Variants in MAP3K15 observed in about 807,000 individuals in gnomAD.
MAP3K15 encodes the protein MAPK/ERK kinase kinase 15.
A neutral mutation model predicts 99.5 loss-of-function variants in MAP3K15; 124 were observed. The ratio of observed to expected loss-of-function variants is 1.25; its 90% confidence interval spans 1.08 to 1.45. MAP3K15 has a LOEUF of 1.45. Among genes scored for constraint, MAP3K15 ranks in the 40% most tolerant of loss-of-function variants. The probability of loss-of-function intolerance (pLI) is 0.00; values close to 1 mark genes in which losing one functional copy is unlikely to be tolerated. For synonymous variants in MAP3K15, 494 were observed against 439.6 expected (o/e 1.12, Z -1.55); for missense variants, 1,242 against 1,079.7 (o/e 1.15, Z -2.11).
chrX:19,490,681 C>T (rs974430413), intron 1 of MAP3K15, among the ~76,000 whole-genome samples: 4 of 107,781 alleles, frequency 3.7e-5, no homozygotes, highest in Non-Finnish European at 7.7e-5. Flanking sequence ...ACTGGGAGGT[C>T]GAGGTTGCAG....
At chrX:19,488,784 C>T in intron 2 of MAP3K15, 44 bp downstream of exon 2, 1 of 1,151,088 alleles carries the variant, frequency 8.7e-7, no homozygotes, top group Non-Finnish European at 1.2e-6. Flanking sequence ...TATAATTCTG[C>T]TTTCCCAAAA....
intron 6 of MAP3K15, among the ~76,000 whole-genome samples, chrX:19,441,414 A>T (rs906015516): frequency 7.3e-5 from 8 of 109,585 alleles, no homozygotes; most frequent in African/African-American, 2.7e-4. Context: ...AACTGATCGT[A>T]GTGATGGTTG....
chrX:19,388,103 G>A (rs898813005), intron 18 of MAP3K15, among the ~76,000 whole-genome samples: 8 of 112,680 alleles, frequency 7.1e-5, no homozygotes, highest in African/African-American at 9.7e-5. Flanking sequence ...GCAGGGAGAC[G>A]GGAGAGGGGT....
At chrX:19,477,597 C>G (rs904481459) in intron 3 of MAP3K15, among the ~76,000 whole-genome samples, 17 of 100,135 alleles carry the variant, frequency 1.7e-4, no homozygotes, top group African/African-American at 6.1e-4. Context: ...ATAATCCCAG[C>G]TACTCAGGAG....
intron 3 of MAP3K15, among the ~76,000 whole-genome samples, chrX:19,482,992 T>C (rs780639050): frequency 7.2e-5 from 8 of 110,423 alleles, no homozygotes; most frequent in Non-Finnish European, 1.3e-4. Flanking sequence ...ACGTGATCTG[T>C]AATCCCAGCT....
chrX:19,504,453 G>A (rs955834268), intron 1 of MAP3K15, among the ~76,000 whole-genome samples: 6 of 111,286 alleles, frequency 5.4e-5, no homozygotes, highest in Non-Finnish European at 7.5e-5. Flanking sequence ...GATGTTTGGC[G>A]AACACTGTCT....
chrX:19,426,310 G>T lies in MAP3K15; in HGVS notation c.1200C>A (p.Leu400=). ...YRKGFELQSS[L]YSGINLAVLL... The stretch of plus-strand genomic sequence containing the variant: ...AAACTGCAAGATTAATTCCCGAATA[G>T]AGGGATGACTGGAGTTCAAACCCTT... Residue 400 remains leucine, a synonymous_variant, in exon 8 of 29, where the codon CTC becomes CTA. Coordinates refer to ENST00000338883, the MANE Select transcript of MAP3K15 (RefSeq NM_001001671.4). 1 of 1,161,423 alleles carries T rather than the reference G, an allele frequency of 8.6e-7. No individual in the cohort carries two copies. Among genetic ancestry groups the T allele is most frequent in the Non-Finnish European group, 1.1e-6 (1 of 872,238 alleles).
At position 19,373,275 on chromosome X, in the gene MAP3K15, G is replaced by T. The variant is rs1310265774; in HGVS notation, c.2933+261C>A. 1.7e-5 allele frequency: 6 copies of T among 342,907 alleles called. No homozygotes were observed. The East Asian group carries it at 2.8e-4, about 16-fold the overall frequency. 28.3% of individuals were successfully genotyped at this position (342,907 alleles called of 1,213,427 possible). ...AAGAGGAGAGAGGGGAAGTGTCGAA[G>T]GAGAGGGGAGAGAGAAGGGAAGAGG... On this transcript the variant is annotated intron_variant, in intron 21 of 28. Transcript: ENST00000338883.
rs1170637503 is a variant in MAP3K15 at position 19,431,487 on chromosome X, A to G, written c.1117T>C (p.Leu373=). 3.3e-6 allele frequency: 4 copies of G among 1,198,674 alleles called. No homozygotes were observed. The highest frequency in any genetic ancestry group is 2.2e-5 in the Admixed American group (1 of 45,682). Residue 373 remains leucine (L), a synonymous_variant, in exon 7 of 29, where the codon TTG becomes CTG. Coordinates refer to ENST00000338883, the MANE Select transcript of MAP3K15 (RefSeq NM_001001671.4). ...LCGRIYKDIF[L]DSDCKDDTSR... ...GTGTCATCTTTGCAGTCTGAATCCA[A>G]GAAGATGTCCTTGTAGATCCTCCCA...
chrX:19,444,228 G>A (rs2063979336), intron 6 of MAP3K15, among the ~76,000 whole-genome samples: 1 of 112,150 alleles, frequency 8.9e-6, no homozygotes, highest in African/African-American at 3.2e-5. Flanking sequence ...ACCTATTCTA[G>A]TGTGCTGCTA....
chrX:19,436,681 T>C (rs757575561), intron 6 of MAP3K15, among the ~76,000 whole-genome samples: 209 of 111,285 alleles, frequency 1.9e-3, no homozygotes, highest in African/African-American at 6.0e-3. Flanking sequence ...AATCAAACTT[T>C]TTTTTGTCCC....
chrX:19,436,194 C>T (rs186634105), intron 6 of MAP3K15, among the ~76,000 whole-genome samples: 29 of 109,597 alleles, frequency 2.6e-4, no homozygotes, highest in African/African-American at 8.6e-4. Context: ...AAAATTCAAT[C>T]ACCTAGGAGC....
At chrX:19,391,938 C>T (rs772373229) in intron 18 of MAP3K15, 64 bp downstream of exon 18, 26 of 824,167 alleles carry the variant, frequency 3.2e-5, no homozygotes, top group East Asian at 1.3e-4. Context: ...GCTGAACAAC[C>T]GCAGCTTGTG....
rs751386359 is a variant in MAP3K15, at chrX:19,476,417, G to A, written c.525+10065C>T. ...ATTTAGGGAGCAAATGAACAAATAC[G>A]GGGCAATGGATTTTTTATATTATTT... On this transcript the variant is annotated intron_variant, in intron 3 of 28. Coordinates refer to ENST00000338883, the MANE Select transcript of MAP3K15 (RefSeq NM_001001671.4). Among the ~76,000 whole-genome samples, 50 of 111,707 alleles carry A rather than the reference G, an allele frequency of 4.5e-4. 2 individuals are homozygous for A. The highest frequency in any genetic ancestry group is 1.9e-4 in the Admixed American group (2 of 10,552).
intron 1 of MAP3K15, among the ~76,000 whole-genome samples, chrX:19,490,188 CAT>C (rs1280480629): frequency 2.0e-5 from 2 of 99,303 alleles, no homozygotes; most frequent in African/African-American, 3.7e-5. Context: ...CACACACATA[CAT>C]ACAAAAATTC....
chrX:19,499,110 G>T (rs2064425349), intron 1 of MAP3K15, among the ~76,000 whole-genome samples: 1 of 111,596 alleles, frequency 9.0e-6, no homozygotes, highest in Non-Finnish European at 1.9e-5. Flanking sequence ...AATTAAATGG[G>T]TCAATGGCTA....
intron 19 of MAP3K15, among the ~76,000 whole-genome samples, chrX:19,379,517 G>A (rs964579931): frequency 3.1e-5 from 3 of 96,869 alleles, no homozygotes; most frequent in Non-Finnish European, 6.0e-5. Context: ...GTGCAATCTC[G>A]GCTCACTGCA....
At chrX:19,405,867 G>C (rs184855766) in intron 13 of MAP3K15, among the ~76,000 whole-genome samples, 141 of 112,388 alleles carry the variant, frequency 1.3e-3, no homozygotes, top group African/African-American at 4.2e-3. Context: ...GAAATTCTTT[G>C]TATTGTATTT....
At chrX:19,422,052 T>C (rs1320506827) in intron 9 of MAP3K15, among the ~76,000 whole-genome samples, 1 of 110,854 alleles carries the variant, frequency 9.0e-6, no homozygotes, top group Non-Finnish European at 1.9e-5. Context: ...AAGACTTACA[T>C]GTTAGACCTA....
Sources: allele counts gnomAD v4.1 joint callset (sites outside exome capture counted in the v4.1 genomes callset), GRCh38; gene constraint gnomAD v4.1.1; transcripts MANE v1.5; gene names NCBI Gene and HGNC (gene_info 2026-07-23, HGNC 2026-07-21).